Variants in TMTC2 observed in about 807,000 individuals in gnomAD.
The protein encoded by TMTC2 is transmembrane O-mannosyltransferase targeting cadherins 2, also known as protein O-mannosyl-transferase TMTC2.
TMTC2 carries 43 observed loss-of-function variants against 82.4 expected under a neutral mutation model. The observed-to-expected ratio is 0.52, with a 90% confidence interval of 0.41 to 0.67. TMTC2 has a LOEUF of 0.67. Among genes scored for constraint, TMTC2 ranks in the 30% least tolerant of loss-of-function variants. TMTC2 has a pLI of 0.00. For synonymous variants in TMTC2, 408 were observed against 381.9 expected, an observed-to-expected ratio of 1.07 and a Z score of -0.80; for missense variants, 919 against 1,012.4, an observed-to-expected ratio of 0.91 and a Z score of 1.25.
At chr12:83,105,784 A>G (rs1161187333) in intron 11 of TMTC2, among the ~76,000 whole-genome samples, 1 of 152,206 alleles carries the variant, frequency 6.6e-6, no homozygotes, top group Non-Finnish European at 1.5e-5. Flanking sequence ...TGCAAATCCT[A>G]CTAGGAGAAA....
At chr12:82,736,909 C>T (rs1219353656) in intron 1 of TMTC2, among the ~76,000 whole-genome samples, 1 of 152,088 alleles carries the variant, frequency 6.6e-6, no homozygotes, top group Non-Finnish European at 1.5e-5. Flanking sequence ...AAACTTAATC[C>T]TTTTCTTCTG....
intron 10 of TMTC2, among the ~76,000 whole-genome samples, chr12:83,059,935 C>G (rs780506007): frequency 2.0e-5 from 3 of 151,648 alleles, no homozygotes; most frequent in African/African-American, 4.8e-5. Context: ...TACCTGCATG[C>G]CTTTTATTTT....
chr12:82,861,788 A>T (rs1397974031), intron 2 of TMTC2, among the ~76,000 whole-genome samples: 1 of 152,230 alleles, frequency 6.6e-6, no homozygotes, highest in African/African-American at 2.4e-5. Context: ...AATCTTCAGA[A>T]GTATGAATAA....
chr12:82,765,678 AAAAC>A (rs1876910389), intron 1 of TMTC2, among the ~76,000 whole-genome samples: 2 of 143,006 alleles, frequency 1.4e-5, no homozygotes, highest in Non-Finnish European at 3.1e-5. Flanking sequence ...CCATCTCGAA[AAAAC>A]AAAACAAAAC....
At chr12:83,099,379 T>C (rs1884137765) in intron 11 of TMTC2, among the ~76,000 whole-genome samples, 3 of 152,124 alleles carry the variant, frequency 2.0e-5, no homozygotes, top group Admixed American at 6.5e-5. Context: ...AAATTCTTAC[T>C]GCGCACAACA....
chr12:83,086,632 A>G (rs1386363391), intron 11 of TMTC2, among the ~76,000 whole-genome samples: 1 of 152,142 alleles, frequency 6.6e-6, no homozygotes. Context: ...AAATATCACA[A>G]CAGAGTCACA....
In TMTC2 at chr12:82,910,551, T is replaced by C. The variant is rs542142783; in HGVS notation, c.1483+13905T>C. Among the ~76,000 whole-genome samples the C allele has an allele frequency of 5.9e-5, 9 of 152,346 alleles. No individual in the cohort carries two copies. The South Asian group carries it at 1.9e-3, about 32-fold the overall frequency. On this transcript the variant is annotated intron_variant, in intron 3 of 11. Transcript: ENST00000321196. The stretch of plus-strand genomic sequence containing the variant: ...TATCACAAGGACAGAGGGATTTCTG[T>C]ATCCCAGGGTTTCTTACCTTGGTGT...
chr12:83,054,311 T>C (rs770982659), intron 10 of TMTC2, among the ~76,000 whole-genome samples: 4 of 152,096 alleles, frequency 2.6e-5, no homozygotes, highest in Non-Finnish European at 4.4e-5. Flanking sequence ...AGGAACATTA[T>C]AATGTCGGGA....
chr12:82,852,925 G>T (rs1871058806), intron 1 of TMTC2, among the ~76,000 whole-genome samples: 1 of 151,968 alleles, frequency 6.6e-6, no homozygotes, highest in Non-Finnish European at 1.5e-5. Flanking sequence ...ATATTCATTG[G>T]TTAAATAAAA....
chr12:83,017,162 G>T (rs1278334864), intron 8 of TMTC2, among the ~76,000 whole-genome samples: 1 of 152,146 alleles, frequency 6.6e-6, no homozygotes, highest in African/African-American at 2.4e-5. Flanking sequence ...GGAATGGACA[G>T]CTGAGGTCAC....
intron 4 of TMTC2, among the ~76,000 whole-genome samples, chr12:82,961,845 T>C (rs1327452702): frequency 6.6e-6 from 1 of 152,096 alleles, no homozygotes; most frequent in Admixed American, 6.6e-5. Context: ...TGCAACTCTG[T>C]CTTGTTCACA....
At chr12:83,076,768 T>G (rs1340890901) in intron 11 of TMTC2, among the ~76,000 whole-genome samples, 22 of 152,212 alleles carry the variant, frequency 1.4e-4, no homozygotes, top group Admixed American at 1.4e-3. Flanking sequence ...AAGTCTTTGT[T>G]CTCTCCCTCC....
chr12:82,750,879 A>C lies in TMTC2; in HGVS notation c.83+63210A>C, dbSNP rs1592899102. 3.9e-5 allele frequency among the ~76,000 whole-genome samples: 6 copies of C among 152,306 alleles called. 1 individual carries two copies. The Middle Eastern group carries it at 0.014, about 345-fold the overall frequency. On this transcript the variant is annotated intron_variant, in intron 1 of 11. Coordinates refer to ENST00000321196, the MANE Select transcript of TMTC2 (RefSeq NM_152588.3). ...TGCTTAGTAAATAGTTATTGATTGA[A>C]CAAATTCCAGTTTTTTTTGAACGAG...
chr12:82,992,836 A>T (rs936721238), intron 8 of TMTC2, among the ~76,000 whole-genome samples: 20 of 152,308 alleles, frequency 1.3e-4, no homozygotes, highest in African/African-American at 4.1e-4. Context: ...AGAAATCATC[A>T]TTAGAGCTAT....
At chr12:82,957,027 C>A (rs1231010447) in intron 4 of TMTC2, among the ~76,000 whole-genome samples, 1 of 152,140 alleles carries the variant, frequency 6.6e-6, no homozygotes, top group Non-Finnish European at 1.5e-5. Flanking sequence ...ACTGGACCAA[C>A]TGGACTGATA....
intron 6 of TMTC2, 54 bp downstream of exon 6, chr12:82,965,798 C>G: frequency 6.2e-7 from 1 of 1,603,994 alleles, no homozygotes; most frequent in Non-Finnish European, 8.5e-7. Flanking sequence ...GATCCAGTCT[C>G]AGTGGTTTGT....
chr12:82,770,968 G>C (rs761794707), intron 1 of TMTC2, among the ~76,000 whole-genome samples: 2 of 152,096 alleles, frequency 1.3e-5, no homozygotes, highest in Non-Finnish European at 2.9e-5. Flanking sequence ...CAGCACTTTG[G>C]GAGGCTGAGG....
At chr12:83,067,560 G>A (rs181172430) in intron 11 of TMTC2, among the ~76,000 whole-genome samples, 1 of 151,910 alleles carries the variant, frequency 6.6e-6, no homozygotes, top group East Asian at 1.9e-4. Context: ...GAAATAGAGG[G>A]GAGGTAACTT....
At chr12:82,826,090 T>A (rs1316377215) in intron 1 of TMTC2, among the ~76,000 whole-genome samples, 1 of 152,248 alleles carries the variant, frequency 6.6e-6, no homozygotes, top group Non-Finnish European at 1.5e-5. Flanking sequence ...ACTTCATTTT[T>A]AAAAAAGAAT....
Sources: allele counts gnomAD v4.1 joint callset (sites outside exome capture counted in the v4.1 genomes callset), GRCh38; gene constraint gnomAD v4.1.1; transcripts MANE v1.5; gene names NCBI Gene and HGNC (gene_info 2026-07-23, HGNC 2026-07-21).